LEKR1: variants seen among roughly 807,000 people sequenced by gnomAD.
LEKR1 encodes the protein leucine, glutamate and lysine rich 1.
Under a neutral mutation model 72.4 loss-of-function variants are expected in LEKR1, and 59 were observed. The ratio of observed to expected loss-of-function variants is 0.82; its 90% CI spans 0.66 to 1.01. The LOEUF (loss-of-function observed/expected upper bound fraction) is 1.01. LEKR1 is among the 50% of genes least tolerant of loss of function. The probability of loss-of-function intolerance (pLI) is 0.00; values close to 1 mark genes in which losing one functional copy is unlikely to be tolerated. For missense variants in LEKR1, 728 were observed against 759.2 expected (o/e 0.96, Z 0.48); for synonymous variants, 257 against 263.2 (o/e 0.98, Z 0.23).
At chr3:156,890,125 A>C (rs1720510446) in intron 3 of LEKR1, among the ~76,000 whole-genome samples, 1 of 152,230 alleles carries the variant, frequency 6.6e-6, no homozygotes, top group Non-Finnish European at 1.5e-5. Flanking sequence ...GCACTTGGTA[A>C]ATGCTCAATG....
rs558664958 is a variant in LEKR1, at chr3:156,974,295, T to A, written c.746-4899T>A. ...GTCAAAATGAGACTTGTAGTTTAACTTGATTTGTGTAATTTTTAAAACACC... is the reference window on the plus strand; with the variant it reads ...GTCAAAATGAGACTTGTAGTTTAACATGATTTGTGTAATTTTTAAAACACC... On this transcript the variant is annotated intron_variant, in intron 6 of 12. Transcript: ENST00000356539. Among the ~76,000 whole-genome samples the A allele has an allele frequency of 9.2e-5, 14 of 152,308 alleles. No individual in the cohort carries two copies. The South Asian group carries it at 2.3e-3, about 25-fold the overall frequency.
At chr3:156,845,582 G>T (rs1219922969) in intron 2 of LEKR1, among the ~76,000 whole-genome samples, 3 of 151,238 alleles carry the variant, frequency 2.0e-5, no homozygotes, top group Non-Finnish European at 4.4e-5. Context: ...AGCACCATTT[G>T]TTGAAAAGGC....
chr3:156,907,965 G>C (rs1245063736), intron 3 of LEKR1, among the ~76,000 whole-genome samples: 4 of 151,820 alleles, frequency 2.6e-5, no homozygotes, highest in Non-Finnish European at 2.9e-5. Context: ...TGGTCTCGAG[G>C]CTTTTAAATA....
At chr3:156,946,913 A>G (rs917329521) in intron 6 of LEKR1, among the ~76,000 whole-genome samples, 2 of 151,180 alleles carry the variant, frequency 1.3e-5, no homozygotes, top group African/African-American at 4.8e-5. Context: ...CTCTAATGAT[A>G]AACAATATGT....
In LEKR1 at chr3:157,046,029, T is replaced by A; in HGVS notation, c.*279T>A. 3.2e-6 allele frequency: 1 copy of A among 310,604 alleles called. No individual in the cohort carries two copies. The highest frequency in any genetic ancestry group is 5.9e-6 in the Non-Finnish European group (1 of 169,548). The allele number at this position is 310,604 out of a possible 1,614,324, so 19.2% of individuals were successfully genotyped here. A position where few individuals can be genotyped will look rare whatever the true frequency, so the allele number is the denominator to read the frequency against. On this transcript the variant is annotated 3_prime_UTR_variant, in exon 13 of 13. Coordinates refer to ENST00000356539, the MANE Select transcript of LEKR1 (RefSeq NM_001004316.3). ...AATGTGCTCTATGAATATAGCCTTT[T>A]AGAGATCACAGGTAAAATTTTTCAC...
At chr3:156,993,614 T>G (rs73873760) in intron 9 of LEKR1, among the ~76,000 whole-genome samples, 1,746 of 152,210 alleles carry the variant, frequency 0.011, 37 homozygotes, top group African/African-American at 0.04. Flanking sequence ...GATTGGTAGA[T>G]TCTATCATTT....
At chr3:157,018,753 G>A (rs899753351) in intron 10 of LEKR1, among the ~76,000 whole-genome samples, 8 of 152,072 alleles carry the variant, frequency 5.3e-5, no homozygotes. Flanking sequence ...TCTCTTAATC[G>A]AGACAGTGGG....
intron 4 of LEKR1, among the ~76,000 whole-genome samples, chr3:156,921,489 C>T (rs2108572996): frequency 6.6e-6 from 1 of 152,210 alleles, no homozygotes; most frequent in Non-Finnish European, 1.5e-5. Context: ...TTTACAAATG[C>T]TTTGCACATA....
At chr3:156,827,389 C>G (rs1560006456) in intron 1 of LEKR1, among the ~76,000 whole-genome samples, 1 of 152,122 alleles carries the variant, frequency 6.6e-6, no homozygotes, top group Non-Finnish European at 1.5e-5. Context: ...TGGAGCTGTG[C>G]ATTACTTAGG....
At chr3:156,990,014 A>G (rs919464869) in intron 7 of LEKR1, among the ~76,000 whole-genome samples, 2 of 152,224 alleles carry the variant, frequency 1.3e-5, no homozygotes, top group South Asian at 2.1e-4. Context: ...GATATCTTTT[A>G]TAACATTTTC....
At chr3:156,838,263 A>G (rs1247159538) in intron 2 of LEKR1, among the ~76,000 whole-genome samples, 2 of 152,224 alleles carry the variant, frequency 1.3e-5, no homozygotes, top group Admixed American at 1.3e-4. Context: ...AATGTGACCA[A>G]CCAGACAAAC....
chr3:157,028,333 G>A lies in LEKR1; in HGVS notation c.1599G>A (p.Ser533=), dbSNP rs143529982. 5.8e-4 allele frequency: 936 copies of A among 1,613,182 alleles called. 13 individuals are homozygous for A. The South Asian group carries it at 9.3e-3, about 16-fold the overall frequency. The change falls in exon 12 of 13, where the codon TCG becomes TCA. Residue 533 remains serine, a synonymous_variant. Transcript: ENST00000356539. ...ENLRKEMEQK[S]DELKRVMLAQ... ...TGAGGAAGGAAATGGAACAGAAGTC[G>A]GATGAACTGAAAAGAGTAATGCTGG...
Position 156,852,590 on chromosome 3 carries a change from A to G in LEKR1, c.49-178A>G, listed in dbSNP as rs546592750. Among the ~76,000 whole-genome samples, 12 of 152,298 alleles carry G rather than the reference A, an allele frequency of 7.9e-5. No homozygotes were observed. In the South Asian group the frequency reaches 2.5e-3, roughly 32 times the overall value. ...TTTTCTAATCCCAAGATTTTGTGTC[A>G]GACTCAATATGCCAGTTTAAAATTT... On this transcript the variant is annotated intron_variant, in intron 2 of 12. Transcript: ENST00000356539.
chr3:156,965,557 C>T (rs1253427187), intron 6 of LEKR1, among the ~76,000 whole-genome samples: 2 of 152,130 alleles, frequency 1.3e-5, no homozygotes, highest in East Asian at 3.8e-4. Flanking sequence ...TGAATTGCAT[C>T]TTTTTAATTA....
intron 3 of LEKR1, among the ~76,000 whole-genome samples, chr3:156,855,305 A>G (rs114872630): frequency 1.1e-3 from 168 of 152,230 alleles, no homozygotes; most frequent in Non-Finnish European, 2.1e-3. Flanking sequence ...CATTTTGTTA[A>G]TATTAGGTTT....
intron 12 of LEKR1, among the ~76,000 whole-genome samples, chr3:157,032,080 T>TGA (rs143205047): frequency 1.4e-3 from 191 of 132,384 alleles, no homozygotes; most frequent in Non-Finnish European, 2.2e-3. Context: ...GGAGAGAGAG[T>TGA]GAGAGAGAGA....
At position 157,045,414 on chromosome 3, in the gene LEKR1, C is replaced by A; in HGVS notation, c.1743C>A (p.Ala581=). The A allele has an allele frequency of 3.1e-6, 5 of 1,614,104 alleles. No individual in the cohort carries two copies. Among genetic ancestry groups the A allele is most frequent in the Non-Finnish European group, 4.2e-6 (5 of 1,179,984 alleles). The change falls in exon 13 of 13, where the codon GCC becomes GCA. Residue 581 remains alanine (A), a synonymous_variant. Coordinates refer to ENST00000356539, the MANE Select transcript of LEKR1 (RefSeq NM_001004316.3). ...RFELTEALSQ[A]REQLLELSKL... ...AACTGACAGAGGCTTTGAGTCAAGC[C>A]AGAGAACAGCTCCTGGAGCTCAGTA...
chr3:156,965,496 C>T (rs1728486346), intron 6 of LEKR1, among the ~76,000 whole-genome samples: 1 of 152,114 alleles, frequency 6.6e-6, no homozygotes, highest in Non-Finnish European at 1.5e-5. Flanking sequence ...TCCCTTCTAT[C>T]CCCACACACA....
At chr3:156,983,069 C>T (rs1410774956) in intron 7 of LEKR1, among the ~76,000 whole-genome samples, 1 of 152,042 alleles carries the variant, frequency 6.6e-6, no homozygotes, top group East Asian at 1.9e-4. Context: ...GTTTTGTAAA[C>T]TGATAAAACA....
Sources: allele counts gnomAD v4.1 joint callset (sites outside exome capture counted in the v4.1 genomes callset), GRCh38; gene constraint gnomAD v4.1.1; transcripts MANE v1.5; gene names NCBI Gene and HGNC (gene_info 2026-07-23, HGNC 2026-07-21).